JAM2: variants seen among roughly 807,000 people sequenced by gnomAD.
The protein encoded by JAM2 is junctional adhesion molecule B.
A neutral mutation model predicts 42.0 loss-of-function variants in JAM2; 17 were observed. The ratio of observed to expected loss-of-function variants is 0.40; its 90% CI spans 0.28 to 0.61. JAM2 has a LOEUF of 0.61. Among genes scored for constraint, JAM2 ranks in the 20% least tolerant of loss-of-function variants. JAM2 has a pLI of 0.37. For missense variants in JAM2, 319 were observed against 358.3 expected (o/e 0.89, Z 0.89); for synonymous variants, 118 against 128.6 (o/e 0.92, Z 0.56).
At chr21:25,686,008 A>C (rs750108650) in intron 2 of JAM2, among the ~76,000 whole-genome samples, 1 of 152,242 alleles carries the variant, frequency 6.6e-6, no homozygotes, top group East Asian at 1.9e-4. Context: ...AAAATGTATC[A>C]AGGTGAATTT....
chr21:25,664,058 C>A (rs1016135770), intron 1 of JAM2, among the ~76,000 whole-genome samples: 2 of 152,138 alleles, frequency 1.3e-5, no homozygotes, highest in African/African-American at 4.8e-5. Flanking sequence ...CACTATGATT[C>A]TCCAAGGAAA....
intron 7 of JAM2, among the ~76,000 whole-genome samples, chr21:25,708,419 T>A (rs7280934): frequency 0.13 from 20,404 of 151,896 alleles, 1,807 homozygotes; most frequent in African/African-American, 0.26. Context: ...AAATAAAAAA[T>A]AAGCCAGGCA....
At chr21:25,676,884 C>CT (rs1307191028) in intron 1 of JAM2, among the ~76,000 whole-genome samples, 1 of 151,850 alleles carries the variant, frequency 6.6e-6, no homozygotes, top group African/African-American at 2.4e-5. Context: ...AAAAGGAACT[C>CT]TAAGACTAGA....
rs764658455 is a variant in JAM2, at chr21:25,714,690, T to G, written c.*18T>G. The G allele has an allele frequency of 4.0e-6, 6 of 1,481,870 alleles. No individual in the cohort carries two copies. The highest frequency in any genetic ancestry group is 1.8e-4 in the Middle Eastern group (1 of 5,642). The allele number at this position is 1,481,870 out of a possible 1,614,324, so 91.8% of individuals were successfully genotyped here. Reference sequence around the variant, plus strand: ...TAATTTAAAGACTCCACTTTAGAGATACACCAAAGCCACCGTTGTTACACA... The same window carrying G: ...TAATTTAAAGACTCCACTTTAGAGAGACACCAAAGCCACCGTTGTTACACA... On this transcript the variant is annotated 3_prime_UTR_variant, in exon 10 of 10. Coordinates refer to ENST00000480456, the MANE Select transcript of JAM2 (RefSeq NM_021219.4).
intron 2 of JAM2, among the ~76,000 whole-genome samples, chr21:25,688,243 G>GGGGT (rs1555868472): frequency 1.3e-5 from 2 of 149,710 alleles, no homozygotes; most frequent in African/African-American, 2.5e-5. Flanking sequence ...CACCAGGAGG[G>GGGGT]GTGTGTGTGT....
At chr21:25,655,350 ATTT>A (rs751257378) in intron 1 of JAM2, among the ~76,000 whole-genome samples, 22 of 100,202 alleles carry the variant, frequency 2.2e-4, no homozygotes, top group African/African-American at 7.4e-4. Flanking sequence ...CTGAAATTCT[ATTT>A]TTTTTTTTTT....
At chr21:25,650,593 C>T (rs574249023) in intron 1 of JAM2, among the ~76,000 whole-genome samples, 8 of 152,200 alleles carry the variant, frequency 5.3e-5, no homozygotes, top group South Asian at 2.1e-4. Context: ...TATGTCCTGA[C>T]GTGTGTTTTA....
At chr21:25,679,132 T>G (rs1214875558) in intron 1 of JAM2, among the ~76,000 whole-genome samples, 1 of 152,208 alleles carries the variant, frequency 6.6e-6, no homozygotes, top group Non-Finnish European at 1.5e-5. Context: ...AAAAAAGAAA[T>G]TCTCCAGAAT....
intron 6 of JAM2, among the ~76,000 whole-genome samples, chr21:25,704,491 CTCTAAAAAGATCATT>C (rs1354701872): frequency 6.6e-6 from 1 of 152,164 alleles, no homozygotes; most frequent in African/African-American, 2.4e-5. Flanking sequence ...TAAACAGTAT[CTCTAAAAAGATCATT>C]TCCAAAATGT....
At chr21:25,690,292 ATTTC>A (rs1372674441) in intron 3 of JAM2, among the ~76,000 whole-genome samples, 3 of 147,752 alleles carry the variant, frequency 2.0e-5, no homozygotes, top group Non-Finnish European at 4.5e-5. Flanking sequence ...CTTTCTCTTT[ATTTC>A]TTTCTTTCTC....
At chr21:25,649,994 T>C (rs983261659) in intron 1 of JAM2, among the ~76,000 whole-genome samples, 1 of 152,200 alleles carries the variant, frequency 6.6e-6, no homozygotes, top group Non-Finnish European at 1.5e-5. Flanking sequence ...CAACCTGCTC[T>C]TGCAGTTACT....
chr21:25,643,652 T>C (rs1248008559), intron 1 of JAM2: 1 of 152,234 alleles, frequency 6.6e-6, no homozygotes, highest in Admixed American at 6.5e-5. Context: ...CAGTCTCAAT[T>C]ATCTGATGAA....
At chr21:25,676,570 A>C (rs1432677801) in intron 1 of JAM2, among the ~76,000 whole-genome samples, 1 of 152,186 alleles carries the variant, frequency 6.6e-6, no homozygotes, top group East Asian at 1.9e-4. Context: ...AGCAGTTATG[A>C]AAATAATCAT....
chr21:25,681,403 A>G (rs1042802386), intron 1 of JAM2, among the ~76,000 whole-genome samples: 9 of 152,184 alleles, frequency 5.9e-5, no homozygotes, highest in Non-Finnish European at 1.0e-4. Context: ...CCTTTTTCAC[A>G]TGGCAGCAGC....
chr21:25,697,054 A>G (rs1287791990), intron 4 of JAM2, among the ~76,000 whole-genome samples: 1 of 136,516 alleles, frequency 7.3e-6, no homozygotes, highest in Non-Finnish European at 1.5e-5. Flanking sequence ...TATGTTTCCC[A>G]GGCTGGTCTC....
intron 1 of JAM2, among the ~76,000 whole-genome samples, chr21:25,662,600 T>G (rs2033118325): frequency 6.6e-6 from 1 of 152,084 alleles, no homozygotes. Context: ...ATAGGAGGTG[T>G]GAGCCACCGC....
chr21:25,685,879 C>T (rs571373774), intron 2 of JAM2, among the ~76,000 whole-genome samples: 103 of 152,306 alleles, frequency 6.8e-4, no homozygotes, highest in African/African-American at 2.3e-3. Flanking sequence ...TTCCACTTCT[C>T]ACTTTCTTGG....
chr21:25,649,459 A>T (rs944966135), intron 1 of JAM2, among the ~76,000 whole-genome samples: 7 of 152,206 alleles, frequency 4.6e-5, no homozygotes, highest in Non-Finnish European at 8.8e-5. Flanking sequence ...CTATCATGAG[A>T]AAAGAAAGCA....
At chr21:25,694,184 G>GT (rs1274313762) in intron 4 of JAM2, among the ~76,000 whole-genome samples, 2 of 152,180 alleles carry the variant, frequency 1.3e-5, no homozygotes. Context: ...ATACATAGGA[G>GT]TATCTTTCCT....
Sources: gnomAD v4.1 joint callset for allele counts (sites outside exome capture counted in the v4.1 genomes callset) on GRCh38, gnomAD v4.1.1 for gene constraint, MANE v1.5 for transcripts, NCBI Gene and HGNC (gene_info 2026-07-23, HGNC 2026-07-21) for gene names.